HEATR4: variants seen among roughly 807,000 people sequenced by gnomAD.
The protein encoded by HEATR4 is HEAT repeat containing 4, also known as HEAT repeat-containing protein 4.
In HEATR4, 95 loss-of-function variants were observed where a neutral mutation model predicts 108.8. That is an observed-to-expected ratio of 0.87 (90% CI 0.74 to 1.04). The LOEUF (loss-of-function observed/expected upper bound fraction) is 1.04. HEATR4 is among the 50% of genes least tolerant of loss of function. The pLI is 0.00. For missense variants in HEATR4, 1,152 were observed against 1,253.8 expected (o/e 0.92, Z 1.23); for synonymous variants, 443 against 459.4 (o/e 0.96, Z 0.46).
At position 73,552,122 on chromosome 14, in the gene HEATR4, T is replaced by G. The variant is rs1889334255; in HGVS notation, c.-152+6629A>C. On this transcript the variant is annotated intron_variant, in intron 1 of 17. Transcript: ENST00000553558. ...GTCCTAAAGACTTTTTAAATAAACTTCCACTCTGCTCTGAACTCACCTCCG... is the reference window on the plus strand; with the variant it reads ...GTCCTAAAGACTTTTTAAATAAACTGCCACTCTGCTCTGAACTCACCTCCG... Among the ~76,000 whole-genome samples, 2 of 114,264 alleles carry G rather than the reference T, an allele frequency of 1.8e-5. 1 individual carries two copies. The highest frequency in any genetic ancestry group is 2.0e-4 in the Admixed American group (2 of 9,974). 75.0% of individuals were successfully genotyped at this position (114,264 alleles called of 152,430 possible).
chr14:73,592,404 T>C, the HEATR4 span: 1 of 1,531,780 alleles, frequency 6.5e-7, no homozygotes, highest in East Asian at 2.4e-5. Context: ...CGCCACGCTC[T>C]TCCTGCCGCC....
intron 17 of HEATR4, chr14:73,491,267 G>A: frequency 1.9e-6 from 3 of 1,570,876 alleles, no homozygotes; most frequent in South Asian, 2.3e-5. Context: ...CGGTGGGGCG[G>A]CGGTGGCGGC....
chr14:73,603,265 A>G, the HEATR4 span, among the ~76,000 whole-genome samples: 1 of 152,248 alleles, frequency 6.6e-6, no homozygotes, highest in Non-Finnish European at 1.5e-5. Context: ...GACCTTAAAT[A>G]ATTTGGCAAA....
chr14:73,491,046 CGTT>C, intron 17 of HEATR4: 1 of 1,586,916 alleles, frequency 6.3e-7, no homozygotes, highest in African/African-American at 1.4e-5. Context: ...AGTGCAGGGC[CGTT>C]GAGGCGCGGG....
At chr14:73,494,197 T>C (rs1206003200) in intron 16 of HEATR4, among the ~76,000 whole-genome samples, 1 of 152,186 alleles carries the variant, frequency 6.6e-6, no homozygotes, top group East Asian at 1.9e-4. Flanking sequence ...ATTCTCATGG[T>C]TGGTGGAAAA....
chr14:73,604,679 G>T, the HEATR4 span, among the ~76,000 whole-genome samples: 3 of 151,936 alleles, frequency 2.0e-5, no homozygotes. Context: ...GTAGAGAAGG[G>T]GTTTCAACAT....
rs1406990302 is a variant in HEATR4 at position 73,544,757 on chromosome 14, C to G, written c.-152+13994G>C. Among the ~76,000 whole-genome samples, 6 of 113,300 alleles carry G rather than the reference C, an allele frequency of 5.3e-5. 2 individuals carry two copies. The highest frequency in any genetic ancestry group is 7.7e-5 in the Non-Finnish European group (4 of 52,152). 74.3% of individuals were successfully genotyped at this position (113,300 alleles called of 152,430 possible). On this transcript the variant is annotated intron_variant, in intron 1 of 17. Transcript: ENST00000553558. Reference sequence around the variant, plus strand: ...TTCAAGACAAGCCTGGGCAACATGGCAAAACCCCGTCTCTACAAACAAATA... The same window carrying G: ...TTCAAGACAAGCCTGGGCAACATGGGAAAACCCCGTCTCTACAAACAAATA...
At chr14:73,581,382 G>A in the HEATR4 span, 1 of 151,732 alleles carries the variant, frequency 6.6e-6, no homozygotes, top group East Asian at 1.9e-4. Context: ...GTTTTATAAG[G>A]GCACCAATCC....
chr14:73,612,943 G>A, the HEATR4 span: 1 of 1,290,990 alleles, frequency 7.7e-7, no homozygotes, highest in Admixed American at 2.9e-5. Context: ...GCCTGGCGCA[G>A]AACAAGCGCG....
In HEATR4 at chr14:73,522,668, CG is replaced by C. The variant is rs774692429; in HGVS notation, c.484del (p.Arg162AlafsTer20). 91 of 1,614,170 alleles carry C rather than the reference CG, an allele frequency of 5.6e-5. 1 individual carries two copies. In the East Asian group the frequency reaches 6.7e-4, roughly 12 times the overall value. ...KPASTVREAPRPLIHHPCMHP... is the reference protein window; with the variant it reads ...KPASTVREAPXPLIHHPCMHP... ...CATGCAGGGATGATGGATGAGAGGGCGGGGTGCTTCCCGGACGGTGCTGGCT... is the reference window on the plus strand; with the variant it reads ...CATGCAGGGATGATGGATGAGAGGGCGGGTGCTTCCCGGACGGTGCTGGCT... On this transcript the variant is annotated frameshift_variant, in exon 3 of 18. Coordinates refer to ENST00000553558, the MANE Select transcript of HEATR4 (RefSeq NM_001220484.1). LOFTEE classifies it high-confidence loss of function.
At chr14:73,493,509 G>A (rs1193759656) in intron 16 of HEATR4, 1 of 208,030 alleles carries the variant, frequency 4.8e-6, no homozygotes, top group African/African-American at 2.4e-5. Context: ...GGTGGTTGTA[G>A]CATGTAAAAG....
At chr14:73,566,208 T>C in the HEATR4 span, among the ~76,000 whole-genome samples, 4,679 of 152,066 alleles carry the variant, frequency 0.031, 145 homozygotes, top group Non-Finnish European at 0.049. Context: ...GTATTTACAA[T>C]CCCCTAGCTA....
At chr14:73,563,432 TA>T (rs1889558489), upstream of HEATR4, among the ~76,000 whole-genome samples, 1 of 151,516 alleles carries the variant, frequency 6.6e-6, no homozygotes, top group East Asian at 1.9e-4. Context: ...CCATCTCTAC[TA>T]AAAATAGAAA....
chr14:73,571,921 AATG>A, the HEATR4 span, among the ~76,000 whole-genome samples: 7 of 151,972 alleles, frequency 4.6e-5, no homozygotes, highest in African/African-American at 7.3e-5. Flanking sequence ...GTAAAAATGA[AATG>A]ATGCTTATCC....
chr14:73,499,011 C>A (rs2140258902), intron 13 of HEATR4, 60 bp downstream of exon 13: 1 of 1,440,126 alleles, frequency 6.9e-7, no homozygotes, highest in Admixed American at 1.7e-5. Context: ...GGGATCATTT[C>A]TACTTGCATA....
At position 73,491,051 on chromosome 14, in the gene HEATR4, A is replaced by G. The variant is rs1300284297; in HGVS notation, c.2844+2015T>C. 3.1e-6 allele frequency: 5 copies of G among 1,589,430 alleles called. No homozygotes were observed. In the Admixed American group the frequency reaches 8.7e-5, roughly 28 times the overall value. ...GCTCCAGGCCAGTGCAGGGCCGTTG[A>G]GGCGCGGGCGGCCGAAGCGCCGGCG... On this transcript the variant is annotated intron_variant, in intron 17 of 17. Coordinates refer to ENST00000553558, the MANE Select transcript of HEATR4 (RefSeq NM_001220484.1).
the HEATR4 span, chr14:73,617,072 A>G: frequency 2.1e-6 from 3 of 1,439,974 alleles, no homozygotes; most frequent in Non-Finnish European, 2.9e-6. Context: ...TCCTGGCCGG[A>G]CATGGTTTTG....
chr14:73,506,559 T>C lies in HEATR4; in HGVS notation c.1894A>G (p.Thr632Ala). Residue 632 changes from threonine to alanine, a missense_variant, in exon 10 of 18, where the codon ACC becomes GCC. By Grantham distance (58) the Thr-to-Ala change is moderately conservative. Coordinates refer to ENST00000553558, the MANE Select transcript of HEATR4 (RefSeq NM_001220484.1). The stretch of plus-strand genomic sequence containing the variant: ...CTGTTCAGCTCCACAGCAAGCATGG[T>C]GTGTATCAGGGTCTGAGGAAATGGA... ...YLSEKTTLIH[T>A]MLAVELNSCQ... The C allele has an allele frequency of 6.2e-7, 1 of 1,613,176 alleles. No homozygotes were observed. The highest frequency in any genetic ancestry group is 8.5e-7 in the Non-Finnish European group (1 of 1,179,696).
intron 2 of HEATR4, 93 bp from the exon 3 acceptor site, chr14:73,523,317 G>A (rs765990572): frequency 9.6e-6 from 6 of 626,926 alleles, no homozygotes; most frequent in Admixed American, 3.0e-5. Flanking sequence ...TTGAAAAACA[G>A]ATGGAAAGGG....
Sources: gnomAD v4.1 joint callset for allele counts (sites outside exome capture counted in the v4.1 genomes callset) on GRCh38, gnomAD v4.1.1 for gene constraint, MANE v1.5 for transcripts, NCBI Gene and HGNC (gene_info 2026-07-23, HGNC 2026-07-21) for gene names.